The following C1GALT1 variants were observed in gnomAD, a reference collection of about 807,000 sequenced individuals.
C1GALT1 encodes the protein glycoprotein-N-acetylgalactosamine 3-beta-galactosyltransferase 1.
In C1GALT1, 11 loss-of-function variants were observed where a neutral mutation model predicts 31.0. The observed-to-expected ratio is 0.36, with a 90% confidence interval of 0.22 to 0.59. The LOEUF (loss-of-function observed/expected upper bound fraction) is 0.59. Ranked by LOEUF, C1GALT1 falls within the 20% of genes least tolerant of loss-of-function variation. The pLI is 0.79. For missense variants in C1GALT1, 424 were observed against 425.2 expected, an observed-to-expected ratio of 1.00 and a Z score of 0.03; for synonymous variants, 175 against 143.6, an observed-to-expected ratio of 1.22 and a Z score of -1.56.
intron 1 of C1GALT1, among the ~76,000 whole-genome samples, chr7:7,226,439 G>A (rs964661301): frequency 6.6e-6 from 1 of 152,098 alleles, no homozygotes; most frequent in African/African-American, 2.4e-5. Flanking sequence ...AAGCCTGAAA[G>A]GAAGAAGACG....
At chr7:7,204,654 A>G (rs1366333352) in intron 1 of C1GALT1, among the ~76,000 whole-genome samples, 1 of 151,934 alleles carries the variant, frequency 6.6e-6, no homozygotes, top group Non-Finnish European at 1.5e-5. Context: ...AGGTTCTTGA[A>G]TTGAGAACTT....
At chr7:7,189,186 T>G (rs2128230937) in intron 1 of C1GALT1, among the ~76,000 whole-genome samples, 1 of 152,272 alleles carries the variant, frequency 6.6e-6, no homozygotes, top group Admixed American at 6.5e-5. Context: ...GGCTCTATCT[T>G]TTTTTTAAAA....
Position 7,235,173 on chromosome 7 carries a change from A to G in C1GALT1, c.220+634A>G, listed in dbSNP as rs577205345. The G allele has an allele frequency of 7.9e-5, 12 of 152,230 alleles. No homozygotes were observed. In the East Asian group the frequency reaches 1.2e-3, roughly 15 times the overall value. The allele number at this position is 152,230 out of a possible 1,614,324, so 9.4% of individuals were successfully genotyped here. A position where few individuals can be genotyped will look rare whatever the true frequency, so the allele number is the denominator to read the frequency against. The stretch of plus-strand genomic sequence containing the variant: ...ACCCGCATAATTTTAATTTCCTTCT[A>G]TTTCTTACTGTCTTTAGCCCAGTTC... On this transcript the variant is annotated intron_variant, in intron 2 of 3. Transcript: ENST00000436587.
intron 2 of C1GALT1, among the ~76,000 whole-genome samples, chr7:7,157,632 A>T (rs62453504): frequency 0.16 from 24,186 of 152,168 alleles, 2,140 homozygotes; most frequent in Middle Eastern, 0.27. Flanking sequence ...TATTTATTTC[A>T]ATATAGTTTC....
intron 1 of C1GALT1, among the ~76,000 whole-genome samples, chr7:7,196,796 G>C (rs1448126590): frequency 6.6e-6 from 1 of 152,154 alleles, no homozygotes; most frequent in Non-Finnish European, 1.5e-5. Context: ...GTTTTGATTT[G>C]CATTTCTCTG....
At chr7:7,194,956 A>C (rs10257835) in intron 1 of C1GALT1, among the ~76,000 whole-genome samples, 46,768 of 151,780 alleles carry the variant, frequency 0.31, 8,967 homozygotes, top group African/African-American at 0.53. Flanking sequence ...CTAGTTTGTG[A>C]GCATAAAGGG....
At chr7:7,160,934 G>A (rs1201716972) in intron 2 of C1GALT1, among the ~76,000 whole-genome samples, 1 of 151,960 alleles carries the variant, frequency 6.6e-6, no homozygotes, top group East Asian at 1.9e-4. Flanking sequence ...AATGAGTATT[G>A]AGAGAAAACA....
intron 1 of C1GALT1, among the ~76,000 whole-genome samples, chr7:7,203,709 T>G (rs1414219475): frequency 6.6e-6 from 1 of 152,110 alleles, no homozygotes; most frequent in Non-Finnish European, 1.5e-5. Flanking sequence ...ATAATTTTAA[T>G]TGACACAGTC....
rs1583736512 is a variant in C1GALT1 at position 7,182,702 on chromosome 7, C to T, written c.-136C>T. 1 of 723,278 alleles carries T rather than the reference C, an allele frequency of 1.4e-6. No individual in the cohort carries two copies. Among genetic ancestry groups the T allele is most frequent in the East Asian group, 1.3e-4 (1 of 7,630 alleles). The allele number at this position is 723,278 out of a possible 1,614,324, so 44.8% of individuals were successfully genotyped here. A position where few individuals can be genotyped will look rare whatever the true frequency, so the allele number is the denominator to read the frequency against. ...AATAATCTGGGCGGCAGCGGGCGGC[C>T]TCGGCTAGCGGCCACGAGCCACTTC... is the stretch of plus-strand genomic sequence containing the variant. On this transcript the variant is annotated 5_prime_UTR_variant, in exon 1 of 4. Coordinates refer to ENST00000436587, the MANE Select transcript of C1GALT1 (RefSeq NM_020156.5).
chr7:7,235,183 G>A (rs1438995859), intron 2 of C1GALT1: 2 of 152,052 alleles, frequency 1.3e-5, no homozygotes, highest in African/African-American at 2.4e-5. Context: ...ATTTCTTACT[G>A]TCTTTAGCCC....
chr7:7,166,335 A>T (rs1780392075), intron 2 of C1GALT1, among the ~76,000 whole-genome samples: 1 of 152,246 alleles, frequency 6.6e-6, no homozygotes, highest in Non-Finnish European at 1.5e-5. Context: ...AAAGTAATAA[A>T]CTATTGATAA....
chr7:7,243,481 A>G lies in C1GALT1; in HGVS notation c.889-43A>G, dbSNP rs369861038. Reference sequence around the variant, plus strand: ...AAGTATGTAAATATTGTAGCTAGCAATGTGCTGTTTATTAACAATACCTGT... The same window carrying G: ...AAGTATGTAAATATTGTAGCTAGCAGTGTGCTGTTTATTAACAATACCTGT... On this transcript the variant is annotated intron_variant, in intron 3 of 3. Transcript: ENST00000436587. The G allele has an allele frequency of 6.5e-5, 91 of 1,409,376 alleles. No individual in the cohort carries two copies. The African/African-American group carries it at 1.2e-3, about 19-fold the overall frequency. The allele number at this position is 1,409,376 out of a possible 1,614,324, so 87.3% of individuals were successfully genotyped here.
chr7:7,216,485 G>T (rs1437264851), intron 1 of C1GALT1, among the ~76,000 whole-genome samples: 2 of 148,544 alleles, frequency 1.3e-5, no homozygotes, highest in Non-Finnish European at 3.0e-5. Context: ...TGATTTGCCT[G>T]GATCCCCCCT....
At position 7,243,515 on chromosome 7, in the gene C1GALT1, CT is replaced by C; in HGVS notation, c.889-3del. The C allele has an allele frequency of 6.3e-7, 1 of 1,581,268 alleles. No homozygotes were observed. Among genetic ancestry groups the C allele is most frequent in the Non-Finnish European group, 8.6e-7 (1 of 1,168,188 alleles). ...TTATTAACAATACCTGTTTCCACTA[CT>C]TTTTTAGGGTCCTGGTTGCTGCTCT... On this transcript the variant is annotated splice_polypyrimidine_tract_variant and splice_region_variant and intron_variant, in intron 3 of 3. Coordinates refer to ENST00000436587, the MANE Select transcript of C1GALT1 (RefSeq NM_020156.5).
intron 1 of C1GALT1, among the ~76,000 whole-genome samples, chr7:7,201,740 C>T (rs1206486274): frequency 1.3e-5 from 2 of 152,226 alleles, no homozygotes; most frequent in Admixed American, 1.3e-4. Context: ...CTGCCCCAGG[C>T]TATATGCCCT....
chr7:7,183,967 G>T (rs1165786260), intron 1 of C1GALT1, among the ~76,000 whole-genome samples: 1 of 152,176 alleles, frequency 6.6e-6, no homozygotes, highest in Non-Finnish European at 1.5e-5. Context: ...ACATAGCTCT[G>T]CCAGGAAAAA....
At chr7:7,192,121 C>A (rs1387229350) in intron 1 of C1GALT1, among the ~76,000 whole-genome samples, 2 of 151,658 alleles carry the variant, frequency 1.3e-5, no homozygotes, top group Non-Finnish European at 2.9e-5. Context: ...GGTCTTTGAT[C>A]CATTTTGAGT....
chr7:7,212,703 G>T (rs1228401690), intron 1 of C1GALT1, among the ~76,000 whole-genome samples: 1 of 152,062 alleles, frequency 6.6e-6, no homozygotes, highest in Non-Finnish European at 1.5e-5. Flanking sequence ...GCAATTTTTT[G>T]TGGGTAAGGG....
At chr7:7,206,346 T>G (rs568374277) in intron 1 of C1GALT1, among the ~76,000 whole-genome samples, 1 of 152,216 alleles carries the variant, frequency 6.6e-6, no homozygotes, top group East Asian at 1.9e-4. Context: ...TTGTTTCGAC[T>G]GGGAGAATTT....
Sources: allele counts gnomAD v4.1 joint callset (sites outside exome capture counted in the v4.1 genomes callset), GRCh38; gene constraint gnomAD v4.1.1; transcripts MANE v1.5; gene names NCBI Gene and HGNC (gene_info 2026-07-23, HGNC 2026-07-21).